SGSM3: variants seen among roughly 807,000 people sequenced by gnomAD.
The protein encoded by SGSM3 is small G protein signaling modulator 3.
In SGSM3, 96 loss-of-function variants were observed where a neutral mutation model predicts 100.5. The ratio of observed to expected loss-of-function variants is 0.96; its 90% CI spans 0.81 to 1.13. The LOEUF (loss-of-function observed/expected upper bound fraction) is 1.13, where lower values mean the gene tolerates loss of function less well. Ranked by LOEUF, SGSM3 falls within the 50% of genes most tolerant of loss-of-function variation. SGSM3 has a pLI of 0.00. For missense variants in SGSM3, 1,001 were observed against 1,015.8 expected (o/e 0.99, Z 0.20); for synonymous variants, 483 against 422.8 (o/e 1.14, Z -1.75).
intron 1 of SGSM3, chr22:40,379,310 G>C (rs947168660): frequency 4.6e-5 from 7 of 152,276 alleles, no homozygotes; most frequent in African/African-American, 1.7e-4. Context: ...GGTCTGCTTT[G>C]TGTTCTAGGA....
chr22:40,403,584 C>T (rs1326022676), intron 4 of SGSM3, among the ~76,000 whole-genome samples: 1 of 152,160 alleles, frequency 6.6e-6, no homozygotes, highest in East Asian at 1.9e-4. Flanking sequence ...TGAAGTGGCC[C>T]TTTCAGACCA....
At chr22:40,379,442 C>G (rs1268383426) in intron 1 of SGSM3, 4 of 152,192 alleles carry the variant, frequency 2.6e-5, no homozygotes, top group Non-Finnish European at 4.4e-5. Context: ...AGTCTGAGAT[C>G]ACCTCTTCAT....
chr22:40,401,250 C>CTATTTTTTTTT (rs1001187965), intron 2 of SGSM3, among the ~76,000 whole-genome samples: 1 of 151,744 alleles, frequency 6.6e-6, no homozygotes, highest in Non-Finnish European at 1.5e-5. Flanking sequence ...TCTGCATTTT[C>CTATTTTTTTTT]TATTTTTTTT....
rs773212367 is a variant in SGSM3, at chr22:40,409,672, C to CTGTT, written c.2173-7_2173-4dup. On this transcript the variant is annotated splice_polypyrimidine_tract_variant and intron_variant, in intron 21 of 21. Transcript: ENST00000248929. ...AAGGCCTGTGAGGTGAGGGGCTGCC[C>CTGTT]TGTTTGCAGGCGCAGCAGCCCCTGA... The CTGTT allele has an allele frequency of 3.7e-5, 60 of 1,613,302 alleles. No individual in the cohort carries two copies. The highest frequency in any genetic ancestry group is 3.1e-4 in the African/African-American group (23 of 75,018).
chr22:40,372,956 C>T (rs1458359749), intron 1 of SGSM3: 2 of 152,124 alleles, frequency 1.3e-5, no homozygotes, highest in African/African-American at 2.4e-5. Context: ...CAGACTGTCA[C>T]AAGGAAATGG....
chr22:40,396,811 C>T (rs1476434206), intron 1 of SGSM3, among the ~76,000 whole-genome samples: 1 of 152,108 alleles, frequency 6.6e-6, no homozygotes, highest in Non-Finnish European at 1.5e-5. Context: ...TGGACAGAAC[C>T]TTTTCTGCCC....
At chr22:40,376,504 C>T (rs1458846297) in intron 1 of SGSM3, 1 of 152,138 alleles carries the variant, frequency 6.6e-6, no homozygotes, top group Non-Finnish European at 1.5e-5. Context: ...TGTCATGCCT[C>T]ATTTCTCTCA....
intron 1 of SGSM3, among the ~76,000 whole-genome samples, chr22:40,385,003 T>C (rs2048198454): frequency 1.3e-5 from 2 of 152,148 alleles, no homozygotes; most frequent in African/African-American, 4.8e-5. Context: ...GAATGTCTTT[T>C]TTGGGGGTCT....
chr22:40,399,117 G>C (rs2050404020), intron 1 of SGSM3, among the ~76,000 whole-genome samples: 1 of 140,182 alleles, frequency 7.1e-6, no homozygotes, highest in Non-Finnish European at 1.5e-5. Context: ...TCAAGTAGCT[G>C]CGATTACAGG....
rs544414207 is a variant in SGSM3, at chr22:40,407,527, G to C, written c.1483G>C (p.Asp495His). The C allele has an allele frequency of 4.4e-6, 7 of 1,606,638 alleles. No individual in the cohort carries two copies. The highest frequency in any genetic ancestry group is 5.9e-6 in the Non-Finnish European group (7 of 1,179,728). The change falls in exon 13 of 22, where the codon GAC becomes CAC. Residue 495 changes from aspartate to histidine, a missense_variant. Asp to His is a moderately conservative substitution (Grantham distance 81). Transcript: ENST00000248929. The surrounding 1 kb of genome is among the most constrained non-coding windows in gnomAD (Gnocchi z 4.7). ...GGCCCTGCTGGACTTTGAGCGGCAC[G>C]ACGACGACGAGCTGGGCTTCCGCAA... ...AKALLDFERH[D>H]DDELGFRKND... is the part of the protein sequence containing the mutation.
At position 40,406,112 on chromosome 22, in the gene SGSM3, G is replaced by A. The variant is rs762720440; in HGVS notation, c.849G>A (p.Thr283=). 7 of 1,614,076 alleles carry A rather than the reference G, an allele frequency of 4.3e-6. No homozygotes were observed. Among genetic ancestry groups the A allele is most frequent in the East Asian group, 4.5e-5 (2 of 44,886 alleles). The stretch of plus-strand genomic sequence containing the variant: ...TGATCACACTGCACTGGTTCCTCAC[G>A]GCCTTCGCCAGCGTGGTGGACATCA... The part of the protein sequence containing the change: ...LSLITLHWFL[T]AFASVVDIKL... Residue 283 remains threonine, a synonymous_variant, in exon 9 of 22, where the codon ACG becomes ACA. Transcript: ENST00000248929.
intron 1 of SGSM3, among the ~76,000 whole-genome samples, chr22:40,376,844 A>G (rs189776899): frequency 1.0e-3 from 159 of 152,330 alleles, no homozygotes; most frequent in African/African-American, 3.7e-3. Context: ...AATAAAATCT[A>G]TATAAAATGG....
Position 40,405,687 on chromosome 22 carries a change from C to G in SGSM3, c.657C>G (p.Asp219Glu), listed in dbSNP as rs375921014. ...ACLLLFLEEE[D>E]AFWMMSAIIE... ...TCCTGCTGTTCCTGGAGGAGGAGGA[C>G]GCCTTCTGGATGATGTCTGCCATCA... Residue 219 changes from aspartate (D) to glutamate (E), a missense_variant, in exon 8 of 22, where the codon GAC (aspartate) becomes GAG (glutamate). Physicochemically the swap from Asp to Glu is conservative, Grantham distance 45. Transcript: ENST00000248929. 14 of 1,613,690 alleles carry G rather than the reference C, an allele frequency of 8.7e-6. No individual in the cohort carries two copies. Among genetic ancestry groups the G allele is most frequent in the Non-Finnish European group, 1.0e-5 (12 of 1,179,902 alleles).
chr22:40,391,301 C>T (rs990070843), intron 1 of SGSM3, among the ~76,000 whole-genome samples: 1 of 152,074 alleles, frequency 6.6e-6, no homozygotes, highest in African/African-American at 2.4e-5. Flanking sequence ...TTCTGATACA[C>T]TCTGTATTTT....
At chr22:40,401,804 G>T (rs1287423920) in intron 3 of SGSM3, 129 bp downstream of exon 3, 1 of 749,802 alleles carries the variant, frequency 1.3e-6, no homozygotes, top group East Asian at 2.6e-5. Flanking sequence ...ACCAGAGATG[G>T]TATCTTAGCC....
chr22:40,402,731 C>CTCTG (rs2050925502), intron 4 of SGSM3, among the ~76,000 whole-genome samples: 1 of 152,164 alleles, frequency 6.6e-6, no homozygotes. Context: ...AAGAGCAAAC[C>CTCTG]TCTGTCTCAA....
chr22:40,409,071 C>T (rs1297256642), intron 19 of SGSM3, 53 bp downstream of exon 19: 1 of 1,552,288 alleles, frequency 6.4e-7, no homozygotes, highest in Non-Finnish European at 8.7e-7. Flanking sequence ...GGACCCAGCC[C>T]AGCATCAGGG....
chr22:40,389,586 A>C (rs2049043428), intron 1 of SGSM3, among the ~76,000 whole-genome samples: 3 of 116,266 alleles, frequency 2.6e-5, no homozygotes, highest in Non-Finnish European at 5.4e-5. Context: ...GCCACAGTGC[A>C]AGACTCCGTC....
Position 40,409,016 on chromosome 22 carries a change from C to A in SGSM3, c.1986C>A (p.Leu662=), listed in dbSNP as rs759690346. ...TCCGCTCACTGATCTGCGTGGGGCT[C>A]AAGTGAGTGTGGAAAAGGGGTTGGA... is the stretch of plus-strand genomic sequence containing the variant. ...VKLRSLICVG[L]NEQVLHLWLE... Residue 662 remains leucine, a splice_region_variant and synonymous_variant, in exon 19 of 22, where the codon CTC becomes CTA. Coordinates refer to ENST00000248929, the MANE Select transcript of SGSM3 (RefSeq NM_015705.6). The A allele has an allele frequency of 1.9e-6, 3 of 1,562,622 alleles. No homozygotes were observed. In the Admixed American group the frequency reaches 5.8e-5, roughly 30 times the overall value.
Sources: gnomAD v4.1 joint callset for allele counts (sites outside exome capture counted in the v4.1 genomes callset) on GRCh38, gnomAD v4.1.1 for gene constraint, Gnocchi (gnomAD v3.1) non-coding constraint, MANE v1.5 for transcripts, NCBI Gene and HGNC (gene_info 2026-07-23, HGNC 2026-07-21) for gene names.